Variants in VEPH1 observed in about 807,000 individuals in gnomAD.
The protein encoded by VEPH1 is ventricular zone expressed PH domain containing 1, also known as ventricular zone-expressed PH domain-containing protein homolog 1.
In VEPH1, 80 loss-of-function variants were observed where a neutral mutation model predicts 85.2. The ratio of observed to expected loss-of-function variants is 0.94; its 90% CI spans 0.78 to 1.13. The LOEUF (loss-of-function observed/expected upper bound fraction) is 1.13, where lower values mean the gene tolerates loss of function less well. Among genes scored for constraint, VEPH1 ranks in the 50% most tolerant of loss-of-function variants. The probability of loss-of-function intolerance (pLI) is 0.00; values close to 1 mark genes in which losing one functional copy is unlikely to be tolerated. For synonymous variants in VEPH1, 297 were observed against 348.0 expected, an observed-to-expected ratio of 0.85 and a Z score of 1.63; for missense variants, 955 against 980.5, an observed-to-expected ratio of 0.97 and a Z score of 0.35.
At chr3:157,289,430 G>A (rs571204621) in intron 11 of VEPH1, among the ~76,000 whole-genome samples, 5 of 152,180 alleles carry the variant, frequency 3.3e-5, no homozygotes, top group African/African-American at 4.8e-5. Flanking sequence ...GAGGATTTAG[G>A]TGTTGTGCTA....
intron 11 of VEPH1, among the ~76,000 whole-genome samples, chr3:157,288,720 C>A (rs1006995658): frequency 1.3e-5 from 2 of 152,158 alleles, no homozygotes; most frequent in East Asian, 3.8e-4. Flanking sequence ...AAACTTGGCA[C>A]CTGAAAGTGC....
chr3:157,334,177 C>T lies in VEPH1; in HGVS notation c.1736-16976G>A, dbSNP rs184295377. 1.7e-3 allele frequency among the ~76,000 whole-genome samples: 258 copies of T among 152,220 alleles called. 2 individuals carry two copies. The Middle Eastern group carries it at 0.017, about 10-fold the overall frequency. On this transcript the variant is annotated intron_variant, in intron 9 of 13. Coordinates refer to ENST00000362010, the MANE Select transcript of VEPH1 (RefSeq NM_001167912.2). The stretch of plus-strand genomic sequence containing the variant: ...TTCCTAAGATGCCAACCGTCTATTC[C>T]CTGTTGACTTCATGATCATGTGGCT...
chr3:157,288,869 A>G (rs1400672883), intron 11 of VEPH1, among the ~76,000 whole-genome samples: 2 of 152,228 alleles, frequency 1.3e-5, no homozygotes, highest in Non-Finnish European at 2.9e-5. Flanking sequence ...TGGAGGTTTG[A>G]CATGGTGACT....
chr3:157,337,970 C>T (rs1193962523), intron 9 of VEPH1, among the ~76,000 whole-genome samples: 1 of 151,916 alleles, frequency 6.6e-6, no homozygotes, highest in Non-Finnish European at 1.5e-5. Flanking sequence ...AATAGCACCT[C>T]CCCAGAATAG....
At chr3:157,377,394 TTA>T (rs1728247911) in intron 7 of VEPH1, among the ~76,000 whole-genome samples, 1 of 152,148 alleles carries the variant, frequency 6.6e-6, no homozygotes, top group African/African-American at 2.4e-5. Context: ...TAGTGGGACC[TTA>T]TTTTTTCTTC....
intron 12 of VEPH1, among the ~76,000 whole-genome samples, chr3:157,269,381 G>A (rs1177019195): frequency 2.0e-5 from 3 of 152,074 alleles, no homozygotes; most frequent in African/African-American, 4.8e-5. Flanking sequence ...ACTTTTCACC[G>A]TAGCCCAGTG....
chr3:157,437,491 G>C, intron 4 of VEPH1: 2 of 1,593,902 alleles, frequency 1.3e-6, no homozygotes, highest in Non-Finnish European at 1.7e-6. Flanking sequence ...GGCTGCTAAC[G>C]TGTGTGTATC....
chr3:157,346,740 G>A (rs1020228663), intron 9 of VEPH1, among the ~76,000 whole-genome samples: 1 of 151,988 alleles, frequency 6.6e-6, no homozygotes, highest in African/African-American at 2.4e-5. Flanking sequence ...CCAAGTAGCT[G>A]GGACCATCAG....
intron 12 of VEPH1, among the ~76,000 whole-genome samples, chr3:157,282,515 C>G (rs968133307): frequency 6.6e-6 from 1 of 152,166 alleles, no homozygotes; most frequent in African/African-American, 2.4e-5. Context: ...TTTTAAATGT[C>G]TAGTGACTAA....
chr3:157,378,306 GTATATATATATATATATATATA>G (rs56800722), intron 7 of VEPH1, among the ~76,000 whole-genome samples: 13,220 of 94,482 alleles, frequency 0.14, 1,297 homozygotes, highest in African/African-American at 0.28. Context: ...TTTTTGAATG[GTATATATATATATATATATATA>G]TATATATATA....
At chr3:157,346,843 T>G (rs1724279976) in intron 9 of VEPH1, among the ~76,000 whole-genome samples, 1 of 152,118 alleles carries the variant, frequency 6.6e-6, no homozygotes, top group Non-Finnish European at 1.5e-5. Flanking sequence ...CTAGAGCTCC[T>G]GGGCTCAAGC....
chr3:157,439,313 T>G (rs1733926968), intron 4 of VEPH1, among the ~76,000 whole-genome samples: 1 of 152,266 alleles, frequency 6.6e-6, no homozygotes, highest in Admixed American at 6.5e-5. Context: ...CATTTCTGAA[T>G]TCTAAGATGT....
At chr3:157,469,368 T>C (rs1736704579) in intron 3 of VEPH1, among the ~76,000 whole-genome samples, 1 of 152,204 alleles carries the variant, frequency 6.6e-6, no homozygotes, top group Non-Finnish European at 1.5e-5. Context: ...AGCTGCAACA[T>C]GCACTGCTAA....
chr3:157,452,691 GAA>G (rs1483255812), intron 4 of VEPH1, among the ~76,000 whole-genome samples: 1 of 152,186 alleles, frequency 6.6e-6, no homozygotes, highest in Non-Finnish European at 1.5e-5. Flanking sequence ...AACAGGCTGG[GAA>G]AATAAAAATA....
At chr3:157,373,994 G>A (rs550514923) in intron 7 of VEPH1, among the ~76,000 whole-genome samples, 13 of 152,102 alleles carry the variant, frequency 8.5e-5, no homozygotes, top group African/African-American at 2.9e-4. Flanking sequence ...CCTACATCTC[G>A]TGCTGATAGA....
intron 11 of VEPH1, among the ~76,000 whole-genome samples, chr3:157,304,947 C>T (rs1719292301): frequency 1.3e-5 from 2 of 151,936 alleles, no homozygotes; most frequent in Admixed American, 1.3e-4. Flanking sequence ...AAACATGTCT[C>T]ATAAACATGA....
intron 4 of VEPH1, chr3:157,442,770 G>GA: frequency 1.2e-6 from 2 of 1,614,246 alleles, no homozygotes; most frequent in South Asian, 1.1e-5. Flanking sequence ...GATTGGCCAA[G>GA]AAAAGAATGG....
intron 12 of VEPH1, among the ~76,000 whole-genome samples, chr3:157,269,851 G>A (rs1192067920): frequency 1.3e-5 from 2 of 152,002 alleles, no homozygotes; most frequent in African/African-American, 4.8e-5. Flanking sequence ...ACGAGGGTAT[G>A]ATCATGTATC....
intron 4 of VEPH1, among the ~76,000 whole-genome samples, chr3:157,447,312 A>G (rs1342960564): frequency 6.6e-6 from 1 of 152,324 alleles, no homozygotes; most frequent in East Asian, 1.9e-4. Flanking sequence ...TTCCTGTTTT[A>G]AGACGTCTCT....
Sources: allele counts gnomAD v4.1 joint callset (sites outside exome capture counted in the v4.1 genomes callset), GRCh38; gene constraint gnomAD v4.1.1; transcripts MANE v1.5; gene names NCBI Gene and HGNC (gene_info 2026-07-23, HGNC 2026-07-21).